Variants in SLC1A3 observed in about 807,000 individuals in gnomAD.
The protein encoded by SLC1A3 is solute carrier family 1 member 3.
In SLC1A3, 21 loss-of-function variants were observed where a neutral mutation model predicts 48.1. The ratio of observed to expected loss-of-function variants is 0.44; its 90% CI spans 0.31 to 0.63. The LOEUF (loss-of-function observed/expected upper bound fraction) is 0.63. SLC1A3 is among the 20% of genes least tolerant of loss of function. SLC1A3 has a pLI of 0.08. For missense variants in SLC1A3, 546 were observed against 689.0 expected (o/e 0.79, Z 2.32); for synonymous variants, 239 against 251.4 (o/e 0.95, Z 0.47).
chr5:36,685,994 C>A (rs770481672), intron 9 of SLC1A3, 71 bp from the exon 10 acceptor site: 8 of 1,251,178 alleles, frequency 6.4e-6, no homozygotes, highest in Admixed American at 1.7e-5. Flanking sequence ...CTGGCCAGTT[C>A]CTAACGTAAG....
intron 2 of SLC1A3, 23 bp from the exon 3 acceptor site, chr5:36,629,427 C>CTTTTTTT (rs78316512): frequency 1.0e-4 from 147 of 1,456,774 alleles, no homozygotes; most frequent in Admixed American, 9.8e-4. Context: ...TTTTCTTTTT[C>CTTTTTTT]TTTTTTTTTT....
intron 2 of SLC1A3, among the ~76,000 whole-genome samples, chr5:36,628,555 C>T (rs1740003724): frequency 6.6e-6 from 1 of 152,128 alleles, no homozygotes; most frequent in African/African-American, 2.4e-5. Context: ...AAAACATTTA[C>T]AACACTGGCA....
intron 3 of SLC1A3, chr5:36,670,828 C>A: frequency 1.6e-6 from 1 of 616,272 alleles, no homozygotes; most frequent in Non-Finnish European, 2.9e-6. Context: ...TTCACTGACA[C>A]TGCTGATGCC....
chr5:36,688,003 C>T lies in SLC1A3; in HGVS notation c.*1734C>T, dbSNP rs560771505. ...AATTAGAGATATTTTTATATAGACC[C>T]CAAGCATTCTGTGCATAAAAGTTAA... On this transcript the variant is annotated 3_prime_UTR_variant, in exon 10 of 10. Coordinates refer to ENST00000265113, the MANE Select transcript of SLC1A3 (RefSeq NM_004172.5). 1 of 152,258 alleles carries T rather than the reference C, an allele frequency of 6.6e-6. No homozygotes were observed. The highest frequency in any genetic ancestry group is 1.5e-5 in the Non-Finnish European group (1 of 68,024). 9.4% of individuals were successfully genotyped at this position (152,258 alleles called of 1,614,324 possible).
chr5:36,602,845 G>T (rs919898644), upstream of SLC1A3, among the ~76,000 whole-genome samples: 2 of 152,202 alleles, frequency 1.3e-5, no homozygotes, highest in Non-Finnish European at 2.9e-5. Flanking sequence ...AGAGCCACAT[G>T]CTGATAACTA....
chr5:36,671,161 C>T lies in SLC1A3; in HGVS notation c.452C>T (p.Thr151Ile). Residue 151 changes from threonine to isoleucine, a missense_variant, in exon 4 of 10, where the codon ACA becomes ATA. By Grantham distance (89) the Thr-to-Ile change is moderately conservative (BLOSUM62 -1). This residue lies in a region of SLC1A3 where 348 missense variants were observed against 392.0 expected (regional missense o/e 0.89). Coordinates refer to ENST00000265113, the MANE Select transcript of SLC1A3 (RefSeq NM_004172.5). ...ATCATCATCCATCCTGGGAAGGGCA[C>T]AAAGGAAAACATGCACAGAGAAGGC... ...IVIIIHPGKG[T>I]KENMHREGKI... The T allele has an allele frequency of 6.2e-7, 1 of 1,613,862 alleles. No individual in the cohort carries two copies. The highest frequency in any genetic ancestry group is 1.3e-5 in the African/African-American group (1 of 75,010).
In SLC1A3 at chr5:36,663,254, C is replaced by A. The variant is rs1016414680; in HGVS notation, c.320-7775C>A. Among the ~76,000 whole-genome samples the A allele has an allele frequency of 3.3e-5, 5 of 152,068 alleles. No individual in the cohort carries two copies. The South Asian group carries it at 1.0e-3, about 32-fold the overall frequency. On this transcript the variant is annotated intron_variant, in intron 3 of 9. Coordinates refer to ENST00000265113, the MANE Select transcript of SLC1A3 (RefSeq NM_004172.5). ...TTTTAGAGACGGAGTCTCGCTCTGTCCCCCAGGCTGGAGTGCAGTAGCGTG... is the reference window on the plus strand; with the variant it reads ...TTTTAGAGACGGAGTCTCGCTCTGTACCCCAGGCTGGAGTGCAGTAGCGTG...
intron 3 of SLC1A3, among the ~76,000 whole-genome samples, chr5:36,659,160 C>T (rs1425480911): frequency 6.6e-6 from 1 of 152,156 alleles, no homozygotes; most frequent in African/African-American, 2.4e-5. Context: ...AATGATCAAA[C>T]AGTGGGCACT....
chr5:36,677,664 A>G (rs1195585852), intron 6 of SLC1A3, among the ~76,000 whole-genome samples: 3 of 152,238 alleles, frequency 2.0e-5, no homozygotes, highest in Admixed American at 1.3e-4. Context: ...ATAAAATTGC[A>G]GGTAACTAGG....
At chr5:36,651,575 T>C (rs1156666844) in intron 3 of SLC1A3, among the ~76,000 whole-genome samples, 1 of 74,744 alleles carries the variant, frequency 1.3e-5, no homozygotes, top group East Asian at 4.0e-4. Context: ...CCCACCCTAG[T>C]GTCTGCCTGG....
At chr5:36,636,051 G>GTGTGTGTGTGTGTGTC (rs1158147394) in intron 3 of SLC1A3, 11 of 151,356 alleles carry the variant, frequency 7.3e-5, no homozygotes, top group African/African-American at 2.4e-4. Context: ...ATGTTTGTGT[G>GTGTGTGTGTGTGTGTC]TGTGTGTGTG....
chr5:36,625,355 G>A (rs989439069), intron 2 of SLC1A3, among the ~76,000 whole-genome samples: 1 of 152,204 alleles, frequency 6.6e-6, no homozygotes, highest in Non-Finnish European at 1.5e-5. Context: ...CTACTCAGGA[G>A]GCTGAGGCAT....
chr5:36,657,096 A>G (rs191126390), intron 3 of SLC1A3, among the ~76,000 whole-genome samples: 1 of 152,294 alleles, frequency 6.6e-6, no homozygotes, highest in African/African-American at 2.4e-5. Context: ...CTCTGCCCAA[A>G]TGATATGACA....
intron 3 of SLC1A3, chr5:36,667,826 G>A (rs1334785014): frequency 6.6e-6 from 1 of 152,184 alleles, no homozygotes; most frequent in African/African-American, 2.4e-5. Context: ...TCTTGATTCT[G>A]AAGGCAGGTT....
intron 1 of SLC1A3, among the ~76,000 whole-genome samples, chr5:36,599,963 A>G (rs1738789556): frequency 6.6e-6 from 1 of 152,112 alleles, no homozygotes; most frequent in Non-Finnish European, 1.5e-5. Flanking sequence ...CTAGGATTAC[A>G]GGCATGCACC....
At chr5:36,652,014 C>T (rs959643879) in intron 3 of SLC1A3, among the ~76,000 whole-genome samples, 2 of 152,156 alleles carry the variant, frequency 1.3e-5, no homozygotes, top group African/African-American at 2.4e-5. Flanking sequence ...AAATATTGCA[C>T]CCTACTGCCA....
chr5:36,642,645 A>G (rs1024211112), intron 3 of SLC1A3, among the ~76,000 whole-genome samples: 9 of 152,160 alleles, frequency 5.9e-5, no homozygotes, highest in African/African-American at 1.9e-4. Flanking sequence ...TGCATCCATC[A>G]TCACAATCAA....
chr5:36,604,707 A>G (rs3814068), upstream of SLC1A3, among the ~76,000 whole-genome samples: 37,031 of 151,884 alleles, frequency 0.24, 6,348 homozygotes, highest in African/African-American at 0.49. Context: ...AAAAAAGTGA[A>G]AAAGAAAGGG....
intron 3 of SLC1A3, 69 bp from the exon 4 acceptor site, chr5:36,670,960 T>C: frequency 7.5e-7 from 1 of 1,337,934 alleles, no homozygotes; most frequent in Non-Finnish European, 1.1e-6. Flanking sequence ...GGAAATGCTG[T>C]TCCCATTGTT....
Sources: gnomAD v4.1 joint callset for allele counts (sites outside exome capture counted in the v4.1 genomes callset) on GRCh38, gnomAD v4.1.1 for gene constraint, gnomAD v4.1.1 regional missense constraint, MANE v1.5 for transcripts, NCBI Gene and HGNC (gene_info 2026-07-23, HGNC 2026-07-21) for gene names.